PRKCE: variants seen among roughly 807,000 people sequenced by gnomAD.
PRKCE encodes the protein protein kinase C epsilon type.
In PRKCE, 16 loss-of-function variants were observed where a neutral mutation model predicts 85.4. The observed-to-expected ratio is 0.19, with a 90% CI of 0.13 to 0.28. PRKCE has a LOEUF of 0.28. Among genes scored for constraint, PRKCE ranks in the 10% least tolerant of loss-of-function variants. PRKCE has a pLI of 1.00. For missense variants in PRKCE, 573 were observed against 975.2 expected (o/e 0.59, Z 5.49); for synonymous variants, 388 against 371.5 (o/e 1.04, Z -0.51).
chr2:46,086,517 G>A (rs993134046), intron 11 of PRKCE, among the ~76,000 whole-genome samples, 155 bp downstream of exon 11: 1 of 152,102 alleles, frequency 6.6e-6, no homozygotes, highest in Admixed American at 6.6e-5. Flanking sequence ...TTTTTTGGGG[G>A]CTGTTTATTC....
In PRKCE at chr2:45,918,627, A is replaced by G. The variant is rs557639546; in HGVS notation, c.413-57802A>G. Among the ~76,000 whole-genome samples, 3 of 152,236 alleles carry G rather than the reference A, an allele frequency of 2.0e-5. No individual in the cohort carries two copies. The East Asian group carries it at 5.8e-4, about 29-fold the overall frequency. On this transcript the variant is annotated intron_variant, in intron 2 of 14. Transcript: ENST00000306156. ...ACCCGATGATTCAAATTCAACCCAAATCTCTGAAGCTTTATGGTTGTATAT... is the reference window on the plus strand; with the variant it reads ...ACCCGATGATTCAAATTCAACCCAAGTCTCTGAAGCTTTATGGTTGTATAT...
chr2:45,912,773 T>G (rs1287146387), intron 2 of PRKCE, among the ~76,000 whole-genome samples: 2 of 152,020 alleles, frequency 1.3e-5, no homozygotes, highest in Non-Finnish European at 2.9e-5. Flanking sequence ...GAGAGAAGGG[T>G]CTGTCATTTG....
intron 1 of PRKCE, among the ~76,000 whole-genome samples, chr2:45,720,424 G>A (rs549011766): frequency 9.9e-5 from 15 of 152,122 alleles, no homozygotes; most frequent in Non-Finnish European, 2.1e-4. Flanking sequence ...TTTTCTGTGA[G>A]CGAGTGAGAG....
chr2:45,975,243 T>C lies in PRKCE; in HGVS notation c.413-1186T>C, dbSNP rs372970930. 2.0e-5 allele frequency among the ~76,000 whole-genome samples: 3 copies of C among 152,358 alleles called. No individual in the cohort carries two copies. The East Asian group carries it at 5.8e-4, about 29-fold the overall frequency. On this transcript the variant is annotated intron_variant, in intron 2 of 14. Coordinates refer to ENST00000306156, the MANE Select transcript of PRKCE (RefSeq NM_005400.3). ...ATTGTATCACTAAGATATAACACAC[T>C]TAGCATAGCACTTGCCAGAGCGTAA...
Position 45,984,540 on chromosome 2 carries a change from C to T in PRKCE, c.694-11C>T, listed in dbSNP as rs1306875040. 5.0e-6 allele frequency: 8 copies of T among 1,599,032 alleles called. No homozygotes were observed. The highest frequency in any genetic ancestry group is 6.8e-6 in the Non-Finnish European group (8 of 1,179,602). On this transcript the variant is annotated splice_polypyrimidine_tract_variant and intron_variant, in intron 5 of 14. Transcript: ENST00000306156. ...GCTCGGTGGTGAACCTGTATCTTGC[C>T]ATCCCTGCAGGTGGGCTCCCAGCGG...
rs117339641 is a variant in PRKCE, at chr2:45,666,132, G to A, written c.348+13684G>A. ...GTTCATAGAAGGTGCACAATTCCTGGCCATGACTACCTAGCTGGTTTTAAA... is the reference window on the plus strand; with the variant it reads ...GTTCATAGAAGGTGCACAATTCCTGACCATGACTACCTAGCTGGTTTTAAA... On this transcript the variant is annotated intron_variant, in intron 1 of 14. Coordinates refer to ENST00000306156, the MANE Select transcript of PRKCE (RefSeq NM_005400.3). 1.0e-3 allele frequency among the ~76,000 whole-genome samples: 154 copies of A among 152,222 alleles called. 2 individuals are homozygous for A. The East Asian group carries it at 0.021, about 20-fold the overall frequency.
At chr2:46,124,638 A>G (rs1673668362) in intron 11 of PRKCE, among the ~76,000 whole-genome samples, 1 of 152,120 alleles carries the variant, frequency 6.6e-6, no homozygotes, top group South Asian at 2.1e-4. Context: ...TTATGTTCAC[A>G]CTTGTGGGCA....
chr2:45,652,528 G>T lies in PRKCE; in HGVS notation c.348+80G>T. On this transcript the variant is annotated intron_variant, in intron 1 of 14. Transcript: ENST00000306156. The surrounding 1 kb of genome is among the most constrained non-coding windows in gnomAD (Gnocchi z 7.7). ...AAGACTCGCTGGTCTTGATCGTAGG[G>T]CTCCGGGACTTATTGACGACTGGGG... 1 of 1,333,888 alleles carries T rather than the reference G, an allele frequency of 7.5e-7. No individual in the cohort carries two copies. Among genetic ancestry groups the T allele is most frequent in the Non-Finnish European group, 1.0e-6 (1 of 992,428 alleles). The allele number at this position is 1,333,888 out of a possible 1,614,324, so 82.6% of individuals were successfully genotyped here.
rs145924767 is a variant in PRKCE, at chr2:46,071,612, T to C, written c.1438-14596T>C. Among the ~76,000 whole-genome samples, 969 of 152,302 alleles carry C rather than the reference T, an allele frequency of 6.4e-3. 16 individuals carry two copies. The highest frequency in any genetic ancestry group is 0.02 in the East Asian group (105 of 5,178). ...AAGGATGAGGAAAGCTATAGGAAAC[T>C]TTAAAAACGTCCATGGAAGGAGTGC... On this transcript the variant is annotated intron_variant, in intron 10 of 14. Coordinates refer to ENST00000306156, the MANE Select transcript of PRKCE (RefSeq NM_005400.3).
At chr2:46,053,862 T>C (rs1156631753) in intron 10 of PRKCE, among the ~76,000 whole-genome samples, 1 of 152,222 alleles carries the variant, frequency 6.6e-6, no homozygotes, top group Non-Finnish European at 1.5e-5. Flanking sequence ...CTGTTTTCAA[T>C]TCTTTTTGCT....
At chr2:46,134,336 C>T (rs1674751717) in intron 11 of PRKCE, among the ~76,000 whole-genome samples, 1 of 152,164 alleles carries the variant, frequency 6.6e-6, no homozygotes, top group South Asian at 2.1e-4. Context: ...TCTGAAGGTT[C>T]CTCTGGCCTT....
At chr2:46,093,614 G>A (rs1170865039) in intron 11 of PRKCE, among the ~76,000 whole-genome samples, 1 of 150,990 alleles carries the variant, frequency 6.6e-6, no homozygotes, top group Non-Finnish European at 1.5e-5. Context: ...CTGCAACCTG[G>A]AACTCCTGGA....
At chr2:45,951,557 G>A (rs906170309) in intron 2 of PRKCE, among the ~76,000 whole-genome samples, 4 of 152,172 alleles carry the variant, frequency 2.6e-5, no homozygotes, top group Non-Finnish European at 5.9e-5. Context: ...CACAAGATAC[G>A]TGCTCTGCTT....
chr2:46,057,781 T>G (rs1413861557), intron 10 of PRKCE, among the ~76,000 whole-genome samples: 1 of 152,146 alleles, frequency 6.6e-6, no homozygotes, highest in African/African-American at 2.4e-5. Flanking sequence ...CATTCAGGCG[T>G]CAGTTTGTTC....
intron 10 of PRKCE, among the ~76,000 whole-genome samples, chr2:46,082,468 G>T (rs1669181320): frequency 6.6e-6 from 1 of 152,182 alleles, no homozygotes. Flanking sequence ...AGATCGTGAA[G>T]TCAATTTTGG....
rs34589907 is a variant in PRKCE, at chr2:45,751,809, A to ATTTTTTTTTT, written c.349-91174_349-91165dup. On this transcript the variant is annotated intron_variant, in intron 1 of 14. Transcript: ENST00000306156. ...ACTCCAGCCTCCAAAGCTAACCACT[A>ATTTTTTTTTT]TTTTTTTTTTTTTTTTTTTTTTTTT... Among the ~76,000 whole-genome samples, 19 of 78,526 alleles carry ATTTTTTTTTT rather than the reference A, an allele frequency of 2.4e-4. 1 individual carries two copies. Among genetic ancestry groups the ATTTTTTTTTT allele is most frequent in the Non-Finnish European group, 3.3e-4 (14 of 42,640 alleles). The allele number at this position is 78,526 out of a possible 152,430, so 51.5% of individuals were successfully genotyped here.
At chr2:45,998,772 T>C (rs1188869502) in intron 6 of PRKCE, among the ~76,000 whole-genome samples, 1 of 152,240 alleles carries the variant, frequency 6.6e-6, no homozygotes, top group Non-Finnish European at 1.5e-5. Flanking sequence ...TTCTGCCTTT[T>C]GTGGTTTTAA....
intron 2 of PRKCE, among the ~76,000 whole-genome samples, chr2:45,851,486 CAAG>C (rs370654198): frequency 5.3e-4 from 80 of 152,114 alleles, no homozygotes; most frequent in African/African-American, 1.9e-3. Context: ...GTTGTCTATG[CAAG>C]GATACACAGC....
intron 2 of PRKCE, chr2:45,845,699 G>A (rs1018422726): frequency 2.6e-5 from 4 of 152,164 alleles, no homozygotes; most frequent in Non-Finnish European, 5.9e-5. Context: ...GGGCGTTTAC[G>A]TCTGCTGGAG....
Sources: gnomAD v4.1 joint callset for allele counts (sites outside exome capture counted in the v4.1 genomes callset) on GRCh38, gnomAD v4.1.1 for gene constraint, Gnocchi (gnomAD v3.1) non-coding constraint, MANE v1.5 for transcripts, NCBI Gene and HGNC (gene_info 2026-07-23, HGNC 2026-07-21) for gene names.